Variants in TADA3 observed in about 807,000 individuals in gnomAD.
The protein encoded by TADA3 is transcriptional adapter 3.
In TADA3, 25 loss-of-function variants were observed where a neutral mutation model predicts 43.2. The ratio of observed to expected loss-of-function variants is 0.58; its 90% CI spans 0.42 to 0.81. TADA3 has a LOEUF of 0.81. Ranked by LOEUF, TADA3 falls within the 30% of genes least tolerant of loss-of-function variation. The probability of loss-of-function intolerance (pLI) is 0.00; values close to 1 mark genes in which losing one functional copy is unlikely to be tolerated. For missense variants in TADA3, 441 were observed against 567.8 expected, an observed-to-expected ratio of 0.78 and a Z score of 2.27; for synonymous variants, 235 against 225.5, an observed-to-expected ratio of 1.04 and a Z score of -0.38.
At chr3:9,792,511 G>GGGAGTCAGCGAGGGCGA, upstream of TADA3, 17 of 1,219,432 alleles carry the variant, frequency 1.4e-5, no homozygotes, top group Non-Finnish European at 1.7e-5. Context: ...CGCGGGGGCG[G>GGGAGTCAGCGAGGGCGA]GGAGTCAGCG....
intron 1 of TADA3, 85 bp downstream of exon 1, chr3:9,792,129 ATC>A (rs1473785246): frequency 1.3e-5 from 2 of 152,234 alleles, no homozygotes; most frequent in Admixed American, 6.5e-5. Context: ...CAGTTTTTCC[ATC>A]TGTAAAATGG....
chr3:9,782,880 CAA>C (rs944103881), intron 8 of TADA3, among the ~76,000 whole-genome samples: 15 of 151,954 alleles, frequency 9.9e-5, no homozygotes, highest in African/African-American at 3.6e-4. Context: ...CTGTGAGAAG[CAA>C]AGAGACTTGT....
chr3:9,787,754 GAAGTGA>G, intron 4 of TADA3: 1 of 1,258,988 alleles, frequency 7.9e-7, no homozygotes, highest in Non-Finnish European at 1.0e-6. Flanking sequence ...TCAGATAAGT[GAAGTGA>G]AAGAGAGAGA....
chr3:9,785,477 G>T, intron 6 of TADA3, 52 bp from the exon 7 acceptor site: 1 of 1,253,586 alleles, frequency 8.0e-7, no homozygotes, highest in Non-Finnish European at 1.2e-6. Context: ...CCACTTTCCT[G>T]CTCCTTTCTG....
intron 8 of TADA3, 124 bp downstream of exon 8, chr3:9,783,904 C>G: frequency 1.4e-6 from 2 of 1,412,294 alleles, no homozygotes; most frequent in Non-Finnish European, 1.8e-6. Context: ...TTTTTCGAGG[C>G]TCTCCAGGTG....
chr3:9,782,747 T>C (rs957582502), intron 8 of TADA3, among the ~76,000 whole-genome samples: 1 of 142,740 alleles, frequency 7.0e-6, no homozygotes, highest in African/African-American at 2.6e-5. Flanking sequence ...GCCGAGATCA[T>C]GGCACTGCAC....
At chr3:9,789,404 A>G in intron 4 of TADA3, 105 bp downstream of exon 4, 1 of 1,024,918 alleles carries the variant, frequency 9.8e-7, no homozygotes, top group African/African-American at 1.6e-5. Flanking sequence ...CAGACTGGGC[A>G]GGGTTGGGGA....
At chr3:9,782,677 A>C (rs1300189835) in intron 8 of TADA3, among the ~76,000 whole-genome samples, 4 of 151,954 alleles carry the variant, frequency 2.6e-5, no homozygotes, top group Non-Finnish European at 4.4e-5. Flanking sequence ...TGTAATCCCA[A>C]CTACTCAGGA....
At position 9,789,819 on chromosome 3, in the gene TADA3, G is replaced by C; in HGVS notation, c.352C>G (p.Pro118Ala). ...AGGTTTTTGGATTTGGGCCGTCCTGGGCCAGGGCCCGGCCCATGTCCTGCC... is the reference window on the plus strand; with the variant it reads ...AGGTTTTTGGATTTGGGCCGTCCTGCGCCAGGGCCCGGCCCATGTCCTGCC... ...GKAGHGPGPG[P>A]GRPKSKNLQP... is the part of the protein sequence containing the mutation. Residue 118 changes from proline to alanine, a missense_variant, in exon 3 of 9, where the codon CCA becomes GCA. By Grantham distance (27) the Pro-to-Ala change is conservative. Coordinates refer to ENST00000301964, the MANE Select transcript of TADA3 (RefSeq NM_006354.5). 1 of 1,614,200 alleles carries C rather than the reference G, an allele frequency of 6.2e-7. No homozygotes were observed. The highest frequency in any genetic ancestry group is 2.2e-5 in the East Asian group (1 of 44,880).
At chr3:9,786,125 G>A (rs2078604255) in intron 6 of TADA3, among the ~76,000 whole-genome samples, 1 of 152,122 alleles carries the variant, frequency 6.6e-6, no homozygotes, top group African/African-American at 2.4e-5. Flanking sequence ...ATTTTTAGTA[G>A]AGACGGGGTT....
intron 8 of TADA3, chr3:9,781,580 G>A (rs1426799091): frequency 2.4e-5 from 11 of 456,536 alleles, no homozygotes; most frequent in South Asian, 1.7e-4. Flanking sequence ...TAAGGTCTAG[G>A]CAGCCTGAGG....
chr3:9,789,499 G>C lies in TADA3; in HGVS notation c.564+10C>G. ...TCCGCATCATGTCTATCAAGGCCCA[G>C]AGTTTCTACCTTGTAATGCTCAGCC... On this transcript the variant is annotated intron_variant, in intron 4 of 8. Coordinates refer to ENST00000301964, the MANE Select transcript of TADA3 (RefSeq NM_006354.5). 4 of 1,612,282 alleles carry C rather than the reference G, an allele frequency of 2.5e-6. No individual in the cohort carries two copies. The highest frequency in any genetic ancestry group is 1.1e-5 in the South Asian group (1 of 91,000).
Position 9,780,531 on chromosome 3 carries a change from C to T in TADA3, c.1125G>A (p.Val375=), listed in dbSNP as rs752757056. 6.9e-5 allele frequency: 111 copies of T among 1,604,096 alleles called. No homozygotes were observed. The highest frequency in any genetic ancestry group is 9.3e-5 in the Non-Finnish European group (110 of 1,179,760). ...HDLLRLAKEE[V]SRQELRQRVR... ...CCCGCTGCCTCAGCTCCTGCCGGCT[C>T]ACCTCCTCCTTTGCCAGCCTGTGGG... Residue 375 remains valine, a synonymous_variant, in exon 9 of 9, where the codon GTG becomes GTA. Coordinates refer to ENST00000301964, the MANE Select transcript of TADA3 (RefSeq NM_006354.5).
At chr3:9,790,022 C>T (rs2078697972) in intron 2 of TADA3, 59 bp from the exon 3 acceptor site, 3 of 1,515,208 alleles carry the variant, frequency 2.0e-6, no homozygotes, top group South Asian at 2.7e-5. Flanking sequence ...ATATCTCTTT[C>T]CTCTAGTGAA....
chr3:9,780,221 G>A lies in TADA3; in HGVS notation c.*136C>T. Reference sequence around the variant, plus strand: ...AGAGCTAGGCCAAAAGACCTCAGGGGAAGGGCCACGGCCCTCTAGAGACTG... The same window carrying A: ...AGAGCTAGGCCAAAAGACCTCAGGGAAAGGGCCACGGCCCTCTAGAGACTG... On this transcript the variant is annotated 3_prime_UTR_variant, in exon 9 of 9. Coordinates refer to ENST00000301964, the MANE Select transcript of TADA3 (RefSeq NM_006354.5). The A allele has an allele frequency of 1.1e-6, 1 of 898,964 alleles. No homozygotes were observed. The highest frequency in any genetic ancestry group is 1.8e-5 in the South Asian group (1 of 55,602). 55.7% of individuals were successfully genotyped at this position (898,964 alleles called of 1,614,324 possible). A position where few individuals can be genotyped will look rare whatever the true frequency, so the allele number is the denominator to read the frequency against.
chr3:9,786,061 C>A lies in TADA3; in HGVS notation c.811-636G>T, dbSNP rs138839831. ...TCATGCCATTCTCCTGCCTCAGCCT[C>A]CCAAGTAGTTGGGACTACAGGCGCC... On this transcript the variant is annotated intron_variant, in intron 6 of 8. Coordinates refer to ENST00000301964, the MANE Select transcript of TADA3 (RefSeq NM_006354.5). Among the ~76,000 whole-genome samples the A allele has an allele frequency of 6.9e-4, 105 of 152,208 alleles. No homozygotes were observed. The East Asian group carries it at 0.02, about 29-fold the overall frequency.
Position 9,788,272 on chromosome 3 carries a change from G to A in TADA3, c.565-932C>T, listed in dbSNP as rs12495089. On this transcript the variant is annotated intron_variant, in intron 4 of 8. Coordinates refer to ENST00000301964, the MANE Select transcript of TADA3 (RefSeq NM_006354.5). The stretch of plus-strand genomic sequence containing the variant: ...TATCTTCTTTTTTTTTTGAGACAGA[G>A]TCTTGCTCTGTCACCCAGGCTGGAG... 3.3e-3 allele frequency: 509 copies of A among 152,858 alleles called. 7 individuals are homozygous for A. Among genetic ancestry groups the A allele is most frequent in the Admixed American group, 0.018 (273 of 15,430 alleles). 9.5% of individuals were successfully genotyped at this position (152,858 alleles called of 1,614,324 possible).
chr3:9,785,031 T>C (rs943038733), intron 7 of TADA3, among the ~76,000 whole-genome samples: 2 of 152,218 alleles, frequency 1.3e-5, no homozygotes, highest in African/African-American at 4.8e-5. Context: ...ATATGATTAA[T>C]AGCCCCAAGT....
chr3:9,786,994 T>C lies in TADA3; in HGVS notation c.810+12A>G. 1.9e-6 allele frequency: 3 copies of C among 1,611,384 alleles called. No individual in the cohort carries two copies. The highest frequency in any genetic ancestry group is 1.7e-6 in the Non-Finnish European group (2 of 1,177,592). ...AGTAAATATGGTTCCTCTTTTGGGT[T>C]AGGCTGCTCACCTCCACCAGGGCCT... On this transcript the variant is annotated intron_variant, in intron 6 of 8. Transcript: ENST00000301964.
Sources: allele counts gnomAD v4.1 joint callset (sites outside exome capture counted in the v4.1 genomes callset), GRCh38; gene constraint gnomAD v4.1.1; transcripts MANE v1.5; gene names NCBI Gene and HGNC (gene_info 2026-07-23, HGNC 2026-07-21).